Variants in PHF21A observed in about 807,000 individuals in gnomAD.
PHF21A encodes the protein BHC80a.
In PHF21A, 11 loss-of-function variants were observed where a neutral mutation model predicts 82.5. The observed-to-expected ratio is 0.13, with a 90% CI of 0.08 to 0.22. The LOEUF is 0.22. Ranked by LOEUF, PHF21A falls within the 10% of genes least tolerant of loss-of-function variation. The pLI, the probability that PHF21A is intolerant of heterozygous loss-of-function variation, is 1.00. For missense variants in PHF21A, 579 were observed against 837.8 expected (o/e 0.69, Z 3.81); for synonymous variants, 297 against 302.8 (o/e 0.98, Z 0.20).
At chr11:46,029,913 C>T (rs1228172068) in intron 6 of PHF21A, among the ~76,000 whole-genome samples, 3 of 152,164 alleles carry the variant, frequency 2.0e-5, no homozygotes, top group South Asian at 4.1e-4. Flanking sequence ...AGGTAAAATA[C>T]TTTAATACTT....
intron 7 of PHF21A, among the ~76,000 whole-genome samples, chr11:45,974,649 C>T (rs1027208506): frequency 2.0e-5 from 3 of 151,862 alleles, no homozygotes; most frequent in African/African-American, 7.3e-5. Flanking sequence ...GAGACGTGAT[C>T]TCGCTATGTT....
intron 1 of PHF21A, among the ~76,000 whole-genome samples, chr11:46,098,363 A>G (rs892121136): frequency 7.9e-5 from 12 of 152,338 alleles, no homozygotes; most frequent in African/African-American, 2.9e-4. Flanking sequence ...ACTAGCTAAT[A>G]AAAGACTTTG....
At chr11:46,056,128 C>A (rs905694867) in intron 6 of PHF21A, among the ~76,000 whole-genome samples, 1 of 151,934 alleles carries the variant, frequency 6.6e-6, no homozygotes, top group Non-Finnish European at 1.5e-5. Flanking sequence ...AACAAAATAC[C>A]CTTTATGTAA....
chr11:46,024,199 C>G (rs2095692451), intron 6 of PHF21A, among the ~76,000 whole-genome samples: 1 of 152,150 alleles, frequency 6.6e-6, no homozygotes, highest in Non-Finnish European at 1.5e-5. Flanking sequence ...ACAACCTGAT[C>G]CAGGCATAAA....
At chr11:46,032,347 G>A (rs771240060) in intron 6 of PHF21A, among the ~76,000 whole-genome samples, 17 of 151,872 alleles carry the variant, frequency 1.1e-4, no homozygotes, top group Non-Finnish European at 1.9e-4. Flanking sequence ...ATAACAATCT[G>A]GGATCATACA....
chr11:45,965,455 G>A lies in PHF21A; in HGVS notation c.856C>T (p.Arg286Cys), dbSNP rs760425502. The stretch of plus-strand genomic sequence containing the variant: ...GTTGCAGTCTGCCCATTGACGACAC[G>A]GACGGGGTGGATGGAATTCTGGGAT... ...PTSQNSIHPV[R>C]VVNGQTATIA... is the part of the protein sequence containing the mutation. The change falls in exon 10 of 19, where the codon CGT (arginine) becomes TGT (cysteine). Residue 286 changes from arginine to cysteine, a missense_variant. This residue lies in a region of PHF21A where 410 missense variants were observed against 642.1 expected (regional missense o/e 0.64). Coordinates refer to ENST00000676320, the MANE Select transcript of PHF21A (RefSeq NM_001352027.3). 7 of 1,614,070 alleles carry A rather than the reference G, an allele frequency of 4.3e-6. No homozygotes were observed. Among genetic ancestry groups the A allele is most frequent in the South Asian group, 1.1e-5 (1 of 91,066 alleles).
chr11:46,054,755 C>T (rs950909442), intron 6 of PHF21A, among the ~76,000 whole-genome samples: 1 of 152,150 alleles, frequency 6.6e-6, no homozygotes, highest in Non-Finnish European at 1.5e-5. Flanking sequence ...ATCACTGAGG[C>T]TGAGTGGAAT....
At chr11:46,088,470 C>G (rs1401729548) in intron 3 of PHF21A, among the ~76,000 whole-genome samples, 2 of 152,044 alleles carry the variant, frequency 1.3e-5, no homozygotes, top group African/African-American at 4.8e-5. Flanking sequence ...ACCAAACACA[C>G]AAAAACAATA....
intron 10 of PHF21A, among the ~76,000 whole-genome samples, chr11:45,961,659 T>A (rs974705010): frequency 3.3e-5 from 5 of 152,088 alleles, no homozygotes; most frequent in Non-Finnish European, 2.9e-5. Flanking sequence ...GAAGTCTTTG[T>A]TGCAGGGTGG....
At chr11:45,935,491 G>A in intron 18 of PHF21A, 145 bp downstream of exon 18, 2 of 662,704 alleles carry the variant, frequency 3.0e-6, no homozygotes, top group Non-Finnish European at 5.3e-6. Context: ...TAACTGGATG[G>A]CAAACTGCAT....
chr11:46,067,518 T>C (rs955357749), intron 6 of PHF21A, among the ~76,000 whole-genome samples: 21 of 151,998 alleles, frequency 1.4e-4, no homozygotes, highest in African/African-American at 5.1e-4. Context: ...CTGCTCTAAA[T>C]TGGAATAGAG....
At chr11:46,105,274 CA>C (rs1277594368) in intron 1 of PHF21A, among the ~76,000 whole-genome samples, 1 of 152,142 alleles carries the variant, frequency 6.6e-6, no homozygotes, top group East Asian at 1.9e-4. Flanking sequence ...TACATGAAAA[CA>C]AAACTTTTAA....
chr11:45,975,451 G>C (rs1316561347), intron 7 of PHF21A, among the ~76,000 whole-genome samples: 1 of 151,786 alleles, frequency 6.6e-6, no homozygotes, highest in African/African-American at 2.4e-5. Flanking sequence ...ATTACTATGG[G>C]ATCTAACTTC....
At chr11:46,050,655 T>A (rs2096346568) in intron 6 of PHF21A, among the ~76,000 whole-genome samples, 1 of 152,222 alleles carries the variant, frequency 6.6e-6, no homozygotes, top group African/African-American at 2.4e-5. Context: ...TTCAAGAGCA[T>A]AGTCCAAGAT....
intron 6 of PHF21A, among the ~76,000 whole-genome samples, chr11:46,057,898 TCA>T (rs1230865971): frequency 6.6e-6 from 1 of 152,212 alleles, no homozygotes; most frequent in Non-Finnish European, 1.5e-5. Context: ...TTCAACTTTG[TCA>T]CTGGGTGACT....
chr11:45,959,817 C>A (rs1046832118), intron 10 of PHF21A, among the ~76,000 whole-genome samples: 3 of 152,000 alleles, frequency 2.0e-5, no homozygotes, highest in African/African-American at 7.3e-5. Context: ...GTCTAGTATC[C>A]AGATTATATA....
intron 1 of PHF21A, among the ~76,000 whole-genome samples, chr11:46,101,355 T>A (rs1228253334): frequency 1.3e-5 from 2 of 152,214 alleles, no homozygotes; most frequent in Non-Finnish European, 2.9e-5. Context: ...TTCCTTTGAG[T>A]ATACCAATGT....
intron 6 of PHF21A, among the ~76,000 whole-genome samples, chr11:45,998,775 G>GTGCTGGGA (rs2095005995): frequency 6.6e-6 from 1 of 151,404 alleles, no homozygotes; most frequent in African/African-American, 2.4e-5. Context: ...GCTTCCCAAA[G>GTGCTGGGA]TGCTGGGATG....
chr11:45,936,016 G>T (rs2088915586), intron 17 of PHF21A, among the ~76,000 whole-genome samples: 1 of 152,142 alleles, frequency 6.6e-6, no homozygotes, highest in African/African-American at 2.4e-5. Context: ...GATGGCTCAT[G>T]CCTGTACTCC....
Sources: allele counts gnomAD v4.1 joint callset (sites outside exome capture counted in the v4.1 genomes callset), GRCh38; gene constraint gnomAD v4.1.1; regional missense constraint gnomAD v4.1.1; transcripts MANE v1.5; gene names NCBI Gene and HGNC (gene_info 2026-07-23, HGNC 2026-07-21).